Variants in ARPP21 observed in about 807,000 individuals in gnomAD.
ARPP21 encodes cAMP-regulated phosphoprotein 21.
Under a neutral mutation model 113.2 loss-of-function variants are expected in ARPP21, and 69 were observed. The ratio of observed to expected loss-of-function variants is 0.61; its 90% CI spans 0.50 to 0.74. The LOEUF (loss-of-function observed/expected upper bound fraction) is 0.74, where lower values mean the gene tolerates loss of function less well. ARPP21 is among the 30% of genes least tolerant of loss of function. ARPP21 has a pLI of 0.00. For synonymous variants in ARPP21, 368 were observed against 375.5 expected (o/e 0.98, Z 0.23); for missense variants, 1,070 against 1,037.4 (o/e 1.03, Z -0.43).
At position 35,710,367 on chromosome 3, in the gene ARPP21, AC is replaced by A. The variant is rs140961084; in HGVS notation, c.897+1298del. ...GGGCCTTTAATTGTGTTTGGTGGAT[AC>A]AAGAATGAAGTGATGAGATGATCTT... On this transcript the variant is annotated intron_variant, in intron 11 of 20. Transcript: ENST00000684406. Among the ~76,000 whole-genome samples, 502 of 152,320 alleles carry A rather than the reference AC, an allele frequency of 3.3e-3. 3 individuals carry two copies. Among genetic ancestry groups the A allele is most frequent in the African/African-American group, 0.011 (463 of 41,564 alleles).
In ARPP21 at chr3:35,729,672, T is replaced by A. The variant is rs1043814903; in HGVS notation, c.1459+136T>A. ...TAGTTGCATGAACTGTTATGAAGCA[T>A]TTTTGTTTAGAAAGAGCAGATTTAC... is the stretch of plus-strand genomic sequence containing the variant. On this transcript the variant is annotated intron_variant, in intron 15 of 20. Coordinates refer to ENST00000684406, the MANE Select transcript of ARPP21 (RefSeq NM_001385562.1). 2.8e-5 allele frequency: 20 copies of A among 713,008 alleles called. No individual in the cohort carries two copies. In the African/African-American group the frequency reaches 3.6e-4, roughly 13 times the overall value. The allele number at this position is 713,008 out of a possible 1,614,324, so 44.2% of individuals were successfully genotyped here.
At chr3:35,707,220 T>A (rs1157492811) in intron 10 of ARPP21, 138 bp downstream of exon 10, 21 of 661,470 alleles carry the variant, frequency 3.2e-5, no homozygotes, top group Non-Finnish European at 5.3e-5. Flanking sequence ...ATCTCCAACC[T>A]CCTTCTCCTC....
At chr3:35,695,469 A>G (rs896031329) in intron 9 of ARPP21, among the ~76,000 whole-genome samples, 1 of 151,554 alleles carries the variant, frequency 6.6e-6, no homozygotes, top group Non-Finnish European at 1.5e-5. Flanking sequence ...GTGGGGGAAT[A>G]ACTTCAGAAT....
chr3:35,739,911 G>A (rs1214710470), intron 18 of ARPP21, among the ~76,000 whole-genome samples: 3 of 152,114 alleles, frequency 2.0e-5, no homozygotes, highest in Non-Finnish European at 4.4e-5. Context: ...AAAAGCCTTG[G>A]GGAAGGGAAA....
At chr3:35,744,398 C>T (rs957694591) in intron 19 of ARPP21, 15 of 462,680 alleles carry the variant, frequency 3.2e-5, no homozygotes, top group South Asian at 1.1e-4. Flanking sequence ...GACAATCCAG[C>T]GTGTCTCGGT....
intron 15 of ARPP21, among the ~76,000 whole-genome samples, chr3:35,735,937 C>T (rs7653088): frequency 0.36 from 54,726 of 152,110 alleles, 11,082 homozygotes; most frequent in East Asian, 0.73. Flanking sequence ...CTTCACCTCA[C>T]CTGACTTCTC....
intron 1 of ARPP21, among the ~76,000 whole-genome samples, chr3:35,664,102 C>A (rs1264433007): frequency 6.6e-6 from 1 of 152,122 alleles, no homozygotes; most frequent in Admixed American, 6.5e-5. Flanking sequence ...ATATCTAAAG[C>A]AATGTTTGAA....
At chr3:35,690,755 G>C (rs962803318) in intron 8 of ARPP21, 110 bp from the exon 9 acceptor site, 2 of 1,005,054 alleles carry the variant, frequency 2.0e-6, no homozygotes, top group Non-Finnish European at 2.8e-6. Context: ...AATGCAATAG[G>C]CTTAGTGGTT....
At chr3:35,686,197 C>T (rs1213965803) in intron 5 of ARPP21, among the ~76,000 whole-genome samples, 3 of 151,640 alleles carry the variant, frequency 2.0e-5, no homozygotes, top group Admixed American at 6.6e-5. Flanking sequence ...ACCTCAGCCA[C>T]GTCTTCTGGA....
intron 20 of ARPP21, 51 bp downstream of exon 20, chr3:35,792,581 A>G (rs758746332): frequency 5.7e-6 from 9 of 1,587,654 alleles, no homozygotes; most frequent in Non-Finnish European, 6.9e-6. Context: ...GAATTTGCCA[A>G]AGTGGAAGCT....
intron 1 of ARPP21, chr3:35,641,391 G>T (rs1575330665): frequency 6.6e-6 from 1 of 152,176 alleles, no homozygotes; most frequent in African/African-American, 2.4e-5. Context: ...AGTAAACAGA[G>T]AAGTGGAGAT....
intron 1 of ARPP21, among the ~76,000 whole-genome samples, chr3:35,652,646 A>G (rs1702896320): frequency 1.3e-5 from 2 of 152,174 alleles, no homozygotes; most frequent in South Asian, 2.1e-4. Flanking sequence ...ATGGGCTTAT[A>G]TATTTTACTG....
Position 35,793,893 on chromosome 3 carries a change from A to T in ARPP21, c.2479A>T (p.Met827Leu). Residue 827 changes from methionine to leucine, a missense_variant, in exon 21 of 21, where the codon ATG becomes TTG. By Grantham distance (15) the Met-to-Leu change is conservative (BLOSUM62 2). Transcript: ENST00000684406. Reference protein sequence around the residue: ...PHCPSSTVPVMSASCRTNCAS... With the variant: ...PHCPSSTVPVLSASCRTNCAS... ...CTGCCCCTCCAGCACTGTCCCAGTG[A>T]TGTCAGCTAGCTGCAGAACAAACTG... 1 of 1,614,028 alleles carries T rather than the reference A, an allele frequency of 6.2e-7. No individual in the cohort carries two copies. The highest frequency in any genetic ancestry group is 8.5e-7 in the Non-Finnish European group (1 of 1,179,864).
chr3:35,777,748 T>C (rs1333676130), intron 19 of ARPP21, among the ~76,000 whole-genome samples: 3 of 152,246 alleles, frequency 2.0e-5, no homozygotes, highest in Non-Finnish European at 4.4e-5. Flanking sequence ...CTCAGCCATC[T>C]GGTTCTGCAG....
chr3:35,758,889 T>G (rs867132851), intron 19 of ARPP21, among the ~76,000 whole-genome samples: 39 of 152,120 alleles, frequency 2.6e-4, no homozygotes, highest in African/African-American at 8.2e-4. Flanking sequence ...TATGTGTGTG[T>G]GGGTGGTGGG....
At chr3:35,732,994 A>G (rs1306983297) in intron 15 of ARPP21, among the ~76,000 whole-genome samples, 2 of 152,098 alleles carry the variant, frequency 1.3e-5, no homozygotes, top group Non-Finnish European at 2.9e-5. Context: ...TAATTTAACT[A>G]TCATCTTCTA....
chr3:35,647,372 A>G (rs1700634049), intron 1 of ARPP21, among the ~76,000 whole-genome samples: 1 of 152,124 alleles, frequency 6.6e-6, no homozygotes, highest in African/African-American at 2.4e-5. Context: ...AGCTGTAGAC[A>G]GAGATGTTTT....
intron 1 of ARPP21, among the ~76,000 whole-genome samples, chr3:35,673,890 A>C (rs1224633159): frequency 6.6e-6 from 1 of 151,990 alleles, no homozygotes; most frequent in Non-Finnish European, 1.5e-5. Context: ...TACTATTAAA[A>C]TTAGTATTTC....
intron 1 of ARPP21, among the ~76,000 whole-genome samples, chr3:35,676,731 G>A (rs911486061): frequency 6.6e-6 from 1 of 151,866 alleles, no homozygotes; most frequent in Non-Finnish European, 1.5e-5. Flanking sequence ...ATTAGTATGT[G>A]CATTCTATTC....
Sources: allele counts gnomAD v4.1 joint callset (sites outside exome capture counted in the v4.1 genomes callset), GRCh38; gene constraint gnomAD v4.1.1; transcripts MANE v1.5; gene names NCBI Gene and HGNC (gene_info 2026-07-23, HGNC 2026-07-21).